Variants in ADAMTSL4 observed in about 807,000 individuals in gnomAD.
ADAMTSL4 encodes ADAMTS like 4.
In ADAMTSL4, 97 loss-of-function variants were observed where a neutral mutation model predicts 122.8. That is an observed-to-expected ratio of 0.79 (90% CI 0.67 to 0.93). The LOEUF (loss-of-function observed/expected upper bound fraction) is 0.93. Among genes scored for constraint, ADAMTSL4 ranks in the 40% least tolerant of loss-of-function variants. The pLI, the probability that ADAMTSL4 is intolerant of heterozygous loss-of-function variation, is 0.00. For missense variants in ADAMTSL4, 1,408 were observed against 1,453.5 expected, an observed-to-expected ratio of 0.97 and a Z score of 0.51; for synonymous variants, 592 against 568.0, an observed-to-expected ratio of 1.04 and a Z score of -0.60.
chr1:150,558,571 C>T lies in ADAMTSL4; in HGVS notation c.2481C>T (p.Pro827=), dbSNP rs144757118. 6.1e-5 allele frequency: 99 copies of T among 1,613,240 alleles called. No individual in the cohort carries two copies. The highest frequency in any genetic ancestry group is 7.7e-5 in the Non-Finnish European group (91 of 1,179,346). The part of the protein sequence containing the change: ...EVSEQECASG[P]PQPPSREACD... The stretch of plus-strand genomic sequence containing the variant: ...GCGAGCAGGAGTGTGCGTCAGGCCC[C>T]CCGCAGCCCCCCAGCAGAGAGGCCT... The change falls in exon 15 of 19, where the codon CCC becomes CCT. Residue 827 remains proline, a synonymous_variant. Coordinates refer to ENST00000271643, the MANE Select transcript of ADAMTSL4 (RefSeq NM_019032.6).
At position 150,557,548 on chromosome 1, in the gene ADAMTSL4, A is replaced by C. The variant is rs777396369; in HGVS notation, c.2102A>C (p.Asp701Ala). ...TCCCGTGAGTCGGGAGAGGAACTGG[A>C]TGAACGCAGCTGTGCCGCGGGTGCC... is the stretch of plus-strand genomic sequence containing the variant. ...CISRESGEELDERSCAAGARP... is the reference protein window; with the variant it reads ...CISRESGEELAERSCAAGARP... The change falls in exon 13 of 19, where the codon GAT (aspartate) becomes GCT (alanine). Residue 701 changes from aspartate (D) to alanine (A), a missense_variant. Physicochemically the swap from Asp to Ala is moderately radical, Grantham distance 126. Coordinates refer to ENST00000271643, the MANE Select transcript of ADAMTSL4 (RefSeq NM_019032.6). 6.2e-7 allele frequency: 1 copy of C among 1,611,012 alleles called. No homozygotes were observed. Among genetic ancestry groups the C allele is most frequent in the Non-Finnish European group, 8.5e-7 (1 of 1,179,048 alleles).
chr1:150,550,836 C>T, intron 2 of ADAMTSL4: 2 of 456,576 alleles, frequency 4.4e-6, no homozygotes, highest in South Asian at 3.1e-5. Flanking sequence ...ATTCCGAACC[C>T]TAGGTCTCAG....
In ADAMTSL4 at chr1:150,552,110, A is replaced by G. The variant is rs1671469213; in HGVS notation, c.-84-95A>G. On this transcript the variant is annotated intron_variant, in intron 2 of 18. Transcript: ENST00000271643. This position sits in a 1 kb window ranked among gnomAD's most constrained non-coding sequence, Gnocchi z 4.0. Reference sequence around the variant, plus strand: ...CCTGAGGATCCTAAAGGGATGGACCAGTTTCACCCCCTCCTCCATATTCTC... The same window carrying G: ...CCTGAGGATCCTAAAGGGATGGACCGGTTTCACCCCCTCCTCCATATTCTC... The G allele has an allele frequency of 3.1e-6, 2 of 648,284 alleles. No individual in the cohort carries two copies. The highest frequency in any genetic ancestry group is 5.4e-6 in the Non-Finnish European group (2 of 367,492). 40.2% of individuals were successfully genotyped at this position (648,284 alleles called of 1,614,324 possible).
chr1:150,558,213 G>A, intron 14 of ADAMTSL4, 64 bp downstream of exon 14: 2 of 1,601,158 alleles, frequency 1.2e-6, no homozygotes, highest in Non-Finnish European at 1.7e-6. Flanking sequence ...AACAGCAGTG[G>A]TTTTTCAACT....
In ADAMTSL4 at chr1:150,556,828, G is replaced by A; in HGVS notation, c.1749+35G>A. ...GGGCCAGGGGCAGCTGAATGCTGGG[G>A]AGGGAGGCTGTTCCCTCTGGGCAGA... is the stretch of plus-strand genomic sequence containing the variant. On this transcript the variant is annotated intron_variant, in intron 10 of 18. Transcript: ENST00000271643. This position sits in a 1 kb window ranked among gnomAD's most constrained non-coding sequence, Gnocchi z 4.1. 1 of 1,528,942 alleles carries A rather than the reference G, an allele frequency of 6.5e-7. No individual in the cohort carries two copies. Among genetic ancestry groups the A allele is most frequent in the Non-Finnish European group, 8.7e-7 (1 of 1,143,594 alleles). The allele number at this position is 1,528,942 out of a possible 1,614,324, so 94.7% of individuals were successfully genotyped here. A position where few individuals can be genotyped will look rare whatever the true frequency, so the allele number is the denominator to read the frequency against.
chr1:150,554,491 G>T lies in ADAMTSL4; in HGVS notation c.1234+24G>T. On this transcript the variant is annotated intron_variant, in intron 7 of 18. Transcript: ENST00000271643. This position sits in a 1 kb window ranked among gnomAD's most constrained non-coding sequence, Gnocchi z 4.0. ...AGGTGAGGTTTCTTGCTCACCCCTG[G>T]GCAGTGGTGGCTTGGAATTGGGGAT... 1.2e-6 allele frequency: 2 copies of T among 1,613,726 alleles called. No individual in the cohort carries two copies. Among genetic ancestry groups the T allele is most frequent in the South Asian group, 2.2e-5 (2 of 91,046 alleles).
In ADAMTSL4 at chr1:150,559,726, GC is replaced by G; in HGVS notation, c.2944-34del. 1 of 1,613,540 alleles carries G rather than the reference GC, an allele frequency of 6.2e-7. No individual in the cohort carries two copies. ...GGGGTTAAGGAGAATCCCGGGCCTG[GC>G]AAAGGTCTGATATGATGGCTGGGGT... On this transcript the variant is annotated intron_variant, in intron 17 of 18. Coordinates refer to ENST00000271643, the MANE Select transcript of ADAMTSL4 (RefSeq NM_019032.6). The surrounding 1 kb of genome is among the most constrained non-coding windows in gnomAD (Gnocchi z 4.1).
chr1:150,552,751 A>C lies in ADAMTSL4; in HGVS notation c.79-147A>C. 7.8e-7 allele frequency: 1 copy of C among 1,284,638 alleles called. No individual in the cohort carries two copies. Among genetic ancestry groups the C allele is most frequent in the Non-Finnish European group, 1.1e-6 (1 of 904,354 alleles). The allele number at this position is 1,284,638 out of a possible 1,614,324, so 79.6% of individuals were successfully genotyped here. The stretch of plus-strand genomic sequence containing the variant: ...CCCCAGTTCCTTGCCTCATAACACC[A>C]AGAGGCCGAGGTGTAGTTCTCCCTC... On this transcript the variant is annotated intron_variant, in intron 4 of 18. Coordinates refer to ENST00000271643, the MANE Select transcript of ADAMTSL4 (RefSeq NM_019032.6). This position sits in a 1 kb window ranked among gnomAD's most constrained non-coding sequence, Gnocchi z 4.0.
chr1:150,558,109 G>T lies in ADAMTSL4; in HGVS notation c.2342G>T (p.Arg781Leu). 6.2e-6 allele frequency: 10 copies of T among 1,613,344 alleles called. No individual in the cohort carries two copies. The highest frequency in any genetic ancestry group is 8.5e-6 in the Non-Finnish European group (10 of 1,180,028). The change falls in exon 14 of 19, where the codon CGC becomes CTC. Residue 781 changes from arginine (R) to leucine (L), a missense_variant. Coordinates refer to ENST00000271643, the MANE Select transcript of ADAMTSL4 (RefSeq NM_019032.6). ...AACATCACCCAGTCTTGCCAGCTGCGCCTCTGTGGCCATTGGGAAGTTGGC... is the reference window on the plus strand; with the variant it reads ...AACATCACCCAGTCTTGCCAGCTGCTCCTCTGTGGCCATTGGGAAGTTGGC... ...RPNITQSCQL[R>L]LCGHWEVGSP... is the part of the protein sequence containing the mutation.
In ADAMTSL4 at chr1:150,552,609, T is replaced by G; in HGVS notation, c.78+9T>G. 6.2e-7 allele frequency: 1 copy of G among 1,613,186 alleles called. No homozygotes were observed. The highest frequency in any genetic ancestry group is 8.5e-7 in the Non-Finnish European group (1 of 1,179,774). ...TCTGCTTGGATCAGGAGGTGAGTTC[T>G]GGACAAGTGAGCAGCTGCAGCCTGC... On this transcript the variant is annotated intron_variant, in intron 4 of 18. Coordinates refer to ENST00000271643, the MANE Select transcript of ADAMTSL4 (RefSeq NM_019032.6). This position sits in a 1 kb window ranked among gnomAD's most constrained non-coding sequence, Gnocchi z 4.0.
chr1:150,555,694 T>C (rs1035600103), intron 8 of ADAMTSL4, 129 bp downstream of exon 8: 1 of 1,321,588 alleles, frequency 7.6e-7, no homozygotes, highest in Non-Finnish European at 1.0e-6. Context: ...CACACACGCA[T>C]ATGCGCACAG....
At position 150,556,954 on chromosome 1, in the gene ADAMTSL4, G is replaced by GAA. The variant is rs1488095488; in HGVS notation, c.1768_1769dup (p.Asn590LysfsTer35). On this transcript the variant is annotated frameshift_variant, in exon 11 of 19. Transcript: ENST00000271643. LOFTEE classifies it high-confidence loss of function. This position sits in a 1 kb window ranked among gnomAD's most constrained non-coding sequence, Gnocchi z 4.1. ...TTCTCCCCAGATGATCTTTCAGGAG[G>GAA]AAAACCCAGGCGTTTTTTATCAGTA... 1 of 1,614,026 alleles carries GAA rather than the reference G, an allele frequency of 6.2e-7. No homozygotes were observed. Among genetic ancestry groups the GAA allele is most frequent in the African/African-American group, 1.3e-5 (1 of 74,996 alleles).
chr1:150,557,789 G>T (rs1560300154), intron 13 of ADAMTSL4, 156 bp from the exon 14 acceptor site: 49 of 1,320,926 alleles, frequency 3.7e-5, no homozygotes. Flanking sequence ...AGCCATGGCA[G>T]GCTGAGCCCC....
In ADAMTSL4 at chr1:150,560,403, T is replaced by C. The variant is rs1405830363; in HGVS notation, c.*207T>C. 1.3e-5 allele frequency: 9 copies of C among 710,998 alleles called. No individual in the cohort carries two copies. Among genetic ancestry groups the C allele is most frequent in the African/African-American group, 7.2e-5 (4 of 55,942 alleles). The allele number at this position is 710,998 out of a possible 1,614,324, so 44.0% of individuals were successfully genotyped here. On this transcript the variant is annotated 3_prime_UTR_variant, in exon 19 of 19. Transcript: ENST00000271643. ...GTGGTGTGATGGGTGTGTGCACATA[T>C]GCCTCAGGTGTGCTTTTGGGACTGC...
chr1:150,559,458 T>C lies in ADAMTSL4; in HGVS notation c.2935T>C (p.Trp979Arg). 2 of 1,613,242 alleles carry C rather than the reference T, an allele frequency of 1.2e-6. No homozygotes were observed. The highest frequency in any genetic ancestry group is 4.5e-5 in the East Asian group (2 of 44,866). The change falls in exon 17 of 19, where the codon TGG becomes CGG. Residue 979 changes from tryptophan to arginine, a missense_variant. Coordinates refer to ENST00000271643, the MANE Select transcript of ADAMTSL4 (RefSeq NM_019032.6). The surrounding 1 kb of genome is among the most constrained non-coding windows in gnomAD (Gnocchi z 4.1). ...ACQDRWFSTP[W>R]SPCSRSCQGG... ...CCAGGACCGATGGTTTTCCACGCCCTGGAGCCCAGTGAGTGTCTGGCTGCG... is the reference window on the plus strand; with the variant it reads ...CCAGGACCGATGGTTTTCCACGCCCCGGAGCCCAGTGAGTGTCTGGCTGCG...
chr1:150,557,455 T>C, intron 12 of ADAMTSL4, 39 bp from the exon 13 acceptor site: 1 of 1,612,720 alleles, frequency 6.2e-7, no homozygotes, highest in Non-Finnish European at 8.5e-7. Context: ...GCTTGGGCTC[T>C]AGCCTCCTGC....
chr1:150,554,675 G>A lies in ADAMTSL4; in HGVS notation c.1234+208G>A, dbSNP rs953041467. 16 of 1,534,328 alleles carry A rather than the reference G, an allele frequency of 1.0e-5. No individual in the cohort carries two copies. Among genetic ancestry groups the A allele is most frequent in the Non-Finnish European group, 1.4e-5 (16 of 1,145,018 alleles). On this transcript the variant is annotated intron_variant, in intron 7 of 18. Coordinates refer to ENST00000271643, the MANE Select transcript of ADAMTSL4 (RefSeq NM_019032.6). This position sits in a 1 kb window ranked among gnomAD's most constrained non-coding sequence, Gnocchi z 4.0. ...AAGGGTCGGGGTGGGAGGAGGAGGT[G>A]TGGGAGACACGCTTTGTCCGGACTC...
In ADAMTSL4 at chr1:150,559,197, G is replaced by A. The variant is rs777493238; in HGVS notation, c.2763+32G>A. On this transcript the variant is annotated intron_variant, in intron 16 of 18. Coordinates refer to ENST00000271643, the MANE Select transcript of ADAMTSL4 (RefSeq NM_019032.6). This position sits in a 1 kb window ranked among gnomAD's most constrained non-coding sequence, Gnocchi z 4.1. ...TGAGCGCCTGCTGAGAGCAGGAAGGGGGTGCCAGTCCCAGTGGGATTCCTT... is the reference window on the plus strand; with the variant it reads ...TGAGCGCCTGCTGAGAGCAGGAAGGAGGTGCCAGTCCCAGTGGGATTCCTT... 4 of 1,611,992 alleles carry A rather than the reference G, an allele frequency of 2.5e-6. No individual in the cohort carries two copies. Among genetic ancestry groups the A allele is most frequent in the Non-Finnish European group, 3.4e-6 (4 of 1,179,234 alleles).
intron 8 of ADAMTSL4, chr1:150,555,828 CAG>C (rs1487762552): frequency 2.6e-5 from 16 of 617,664 alleles, no homozygotes; most frequent in Non-Finnish European, 4.1e-5. Context: ...CACACGTATG[CAG>C]ACACATGCAC....
Sources: allele counts gnomAD v4.1 joint callset, GRCh38; gene constraint gnomAD v4.1.1; non-coding constraint Gnocchi (gnomAD v3.1); transcripts MANE v1.5; gene names NCBI Gene and HGNC (gene_info 2026-07-23, HGNC 2026-07-21).